The following NBR1 variants were observed in gnomAD, a reference collection of about 807,000 sequenced individuals.
NBR1 encodes NBR1 autophagy cargo receptor, also known as next to BRCA1 gene 1 protein.
A neutral mutation model predicts 115.5 loss-of-function variants in NBR1; 59 were observed. The ratio of observed to expected loss-of-function variants is 0.51; its 90% CI spans 0.41 to 0.63. The LOEUF is 0.63. Among genes scored for constraint, NBR1 ranks in the 30% least tolerant of loss-of-function variants. The probability of loss-of-function intolerance (pLI) is 0.00; values close to 1 mark genes in which losing one functional copy is unlikely to be tolerated. For missense variants in NBR1, 1,043 were observed against 1,150.5 expected (o/e 0.91, Z 1.35); for synonymous variants, 373 against 414.7 (o/e 0.90, Z 1.22).
intron 14 of NBR1, 71 bp downstream of exon 14, chr17:43,195,110 G>A: frequency 8.4e-7 from 1 of 1,192,610 alleles, no homozygotes; most frequent in East Asian, 2.3e-5. Flanking sequence ...CTAGACACTG[G>A]TAGTGTTTTA....
chr17:43,196,777 G>T (rs1346012434), intron 15 of NBR1, among the ~76,000 whole-genome samples, 165 bp from the exon 16 acceptor site: 1 of 152,096 alleles, frequency 6.6e-6, no homozygotes, highest in Non-Finnish European at 1.5e-5. Flanking sequence ...TTTAGTTTTA[G>T]CATGGGTAAT....
intron 9 of NBR1, among the ~76,000 whole-genome samples, chr17:43,191,128 C>G (rs912422869): frequency 6.6e-6 from 1 of 152,014 alleles, no homozygotes; most frequent in Non-Finnish European, 1.5e-5. Flanking sequence ...GTGGTGCGTA[C>G]CTATAGTTTC....
At chr17:43,206,970 T>G (rs2057330521) in intron 20 of NBR1, among the ~76,000 whole-genome samples, 1 of 150,852 alleles carries the variant, frequency 6.6e-6, no homozygotes, top group Non-Finnish European at 1.5e-5. Context: ...GGGGCTTAGG[T>G]GGGAGAATAG....
intron 5 of NBR1, among the ~76,000 whole-genome samples, chr17:43,185,536 A>G (rs1250635197): frequency 1.3e-5 from 2 of 152,000 alleles, no homozygotes; most frequent in Non-Finnish European, 2.9e-5. Flanking sequence ...CCTGTCTCCA[A>G]ACTAAAACAA....
At chr17:43,201,058 G>A (rs996993738) in intron 17 of NBR1, among the ~76,000 whole-genome samples, 11 of 152,012 alleles carry the variant, frequency 7.2e-5, no homozygotes, top group African/African-American at 1.7e-4. Flanking sequence ...TTGTAGAAGC[G>A]GGGTTTTGCC....
chr17:43,191,382 C>T lies in NBR1; in HGVS notation c.874C>T (p.Gln292Ter). The change falls in exon 10 of 21, where the codon CAG becomes TAG. Residue 292 changes from glutamine (Q) to a stop codon, truncating the protein, a stop_gained. Coordinates refer to ENST00000590996, the MANE Select transcript of NBR1 (RefSeq NM_005899.5). LOFTEE classifies it high-confidence loss of function. Reference sequence around the variant, plus strand: ...TTTATTATCTCACAGGCTCCAGAAACAGGTTGATAAGAACTTTCTTAAAGC... The same window carrying T: ...TTTATTATCTCACAGGCTCCAGAAATAGGTTGATAAGAACTTTCTTAAAGC... ...AALEQVRLQK[Q>*]VDKNFLKAEK... is the part of the protein sequence containing the mutation. The T allele has an allele frequency of 6.2e-7, 1 of 1,611,470 alleles. No individual in the cohort carries two copies. The highest frequency in any genetic ancestry group is 8.5e-7 in the Non-Finnish European group (1 of 1,178,188).
chr17:43,192,020 C>T (rs1454214811), intron 10 of NBR1, among the ~76,000 whole-genome samples: 9 of 107,538 alleles, frequency 8.4e-5, no homozygotes, highest in South Asian at 3.1e-4. Flanking sequence ...CAGCACCCGG[C>T]TTTTTTTTTT....
chr17:43,196,401 A>T, intron 14 of NBR1, 80 bp from the exon 15 acceptor site: 1 of 858,008 alleles, frequency 1.2e-6, no homozygotes, highest in Non-Finnish European at 1.7e-6. Context: ...AGAAGCCTAC[A>T]AACTGCTACT....
intron 20 of NBR1, among the ~76,000 whole-genome samples, chr17:43,208,618 A>T (rs2057359834): frequency 6.6e-6 from 1 of 152,200 alleles, no homozygotes; most frequent in East Asian, 1.9e-4. Context: ...TCCCAAGTTA[A>T]TAATCTTTCT....
chr17:43,174,871 A>ATGCC (rs1264983192), intron 1 of NBR1, among the ~76,000 whole-genome samples: 1 of 151,532 alleles, frequency 6.6e-6, no homozygotes, highest in Non-Finnish European at 1.5e-5. Context: ...CAAGGCAGGC[A>ATGCC]GATCATGAGG....
At chr17:43,199,421 T>C (rs1285815597) in intron 16 of NBR1, among the ~76,000 whole-genome samples, 1 of 150,804 alleles carries the variant, frequency 6.6e-6, no homozygotes, top group Non-Finnish European at 1.5e-5. Context: ...TCACCCAGGC[T>C]GGAGTGCAGC....
Position 43,209,640 on chromosome 17 carries a change from CTAAGTACAGTTCAT to C in NBR1, c.2728-258_2728-245del. ...CCCCGAGTGAAGCATTCTCCTGGTT[CTAAGTACAGTTCAT>C]TAGCTCCCCGGTTTCCCTTTTCTCC... On this transcript the variant is annotated intron_variant, in intron 20 of 20. Coordinates refer to ENST00000590996, the MANE Select transcript of NBR1 (RefSeq NM_005899.5). The C allele has an allele frequency of 2.0e-6, 3 of 1,535,556 alleles. No homozygotes were observed. In the African/African-American group the frequency reaches 4.1e-5, roughly 21 times the overall value.
chr17:43,186,869 G>T (rs796177696), intron 6 of NBR1, among the ~76,000 whole-genome samples: 2 of 152,120 alleles, frequency 1.3e-5, no homozygotes, highest in Non-Finnish European at 2.9e-5. Context: ...TTATGGCTGC[G>T]TATTATTCCA....
At chr17:43,185,320 T>C (rs2056774358) in intron 5 of NBR1, among the ~76,000 whole-genome samples, 1 of 152,220 alleles carries the variant, frequency 6.6e-6, no homozygotes, top group Non-Finnish European at 1.5e-5. Context: ...AAACCTATGA[T>C]ACTAGCACTT....
At chr17:43,196,270 A>G (rs759141734) in intron 14 of NBR1, 44 of 439,840 alleles carry the variant, frequency 1.0e-4, no homozygotes, top group Non-Finnish European at 1.7e-4. Flanking sequence ...TCCAGGCTAA[A>G]TAACTGTGAT....
intron 9 of NBR1, among the ~76,000 whole-genome samples, chr17:43,191,111 A>T (rs1446857070): frequency 3.9e-5 from 6 of 152,108 alleles, no homozygotes. Context: ...AAAATTAGCC[A>T]GGCGTGGTGG....
intron 1 of NBR1, among the ~76,000 whole-genome samples, chr17:43,172,730 C>T (rs977982698): frequency 6.6e-6 from 1 of 152,022 alleles, no homozygotes; most frequent in Admixed American, 6.6e-5. Flanking sequence ...CAAAAAAGTG[C>T]CTTTAAATGA....
chr17:43,185,014 G>A (rs774031111), intron 5 of NBR1, among the ~76,000 whole-genome samples: 2 of 151,374 alleles, frequency 1.3e-5, no homozygotes. Flanking sequence ...GCTTGAACCC[G>A]GGAGGTGGAG....
At chr17:43,174,876 A>G (rs2056466666) in intron 1 of NBR1, among the ~76,000 whole-genome samples, 1 of 151,492 alleles carries the variant, frequency 6.6e-6, no homozygotes, top group African/African-American at 2.4e-5. Flanking sequence ...CAGGCAGATC[A>G]TGAGGTCAGG....
Sources: allele counts gnomAD v4.1 joint callset (sites outside exome capture counted in the v4.1 genomes callset), GRCh38; gene constraint gnomAD v4.1.1; transcripts MANE v1.5; gene names NCBI Gene and HGNC (gene_info 2026-07-23, HGNC 2026-07-21).